The following LHFPL4 variants were observed in gnomAD, a reference collection of about 807,000 sequenced individuals.
LHFPL4 encodes LHFPL tetraspan subfamily member 4 protein.
Under a neutral mutation model 20.0 loss-of-function variants are expected in LHFPL4, and 6 were observed. That is an observed-to-expected ratio of 0.30 (90% CI 0.16 to 0.59). LHFPL4 has a LOEUF of 0.59. LHFPL4 is among the 20% of genes least tolerant of loss of function. The probability of loss-of-function intolerance (pLI) is 0.88; values close to 1 mark genes in which losing one functional copy is unlikely to be tolerated. For missense variants in LHFPL4, 215 were observed against 331.2 expected (o/e 0.65, Z 2.72); for synonymous variants, 129 against 143.8 (o/e 0.90, Z 0.74).
chr3:9,522,052 AT>A (rs142722448), intron 2 of LHFPL4, among the ~76,000 whole-genome samples: 49 of 152,150 alleles, frequency 3.2e-4, no homozygotes, highest in African/African-American at 1.2e-3. Flanking sequence ...ACTTAAAAAA[AT>A]TTTTAAGTAG....
Position 9,506,315 on chromosome 3 carries a change from A to T in LHFPL4, c.407-112T>A, listed in dbSNP as rs761251485. The T allele has an allele frequency of 1.3e-6, 1 of 782,542 alleles. No homozygotes were observed. The highest frequency in any genetic ancestry group is 2.2e-6 in the Non-Finnish European group (1 of 460,562). 48.5% of individuals were successfully genotyped at this position (782,542 alleles called of 1,614,324 possible). On this transcript the variant is annotated intron_variant, in intron 2 of 3. Transcript: ENST00000287585. This position sits in a 1 kb window ranked among gnomAD's most constrained non-coding sequence, Gnocchi z 4.5. ...ACCCTATTGAGGGCACATCAACCCAACCACGTGCTTGTTACCCACTTCCAC... is the reference window on the plus strand; with the variant it reads ...ACCCTATTGAGGGCACATCAACCCATCCACGTGCTTGTTACCCACTTCCAC...
chr3:9,552,629 C>T lies in LHFPL4; in HGVS notation c.51G>A (p.Arg17=). ...ACAGCACGCCGATGGCCCGCGAGTT[C>T]CGCATGTAGTGCTCGTGGTAGAGCT... ...ASKLYHEHYM[R]NSRAIGVLWA... is the part of the protein sequence containing the mutation. The change falls in exon 2 of 4, where the codon CGG becomes CGA. Residue 17 remains arginine, a synonymous_variant. Coordinates refer to ENST00000287585, the MANE Select transcript of LHFPL4 (RefSeq NM_198560.3). The T allele has an allele frequency of 6.2e-7, 1 of 1,613,714 alleles. No individual in the cohort carries two copies. Among genetic ancestry groups the T allele is most frequent in the South Asian group, 1.1e-5 (1 of 91,084 alleles).
chr3:9,516,369 C>T (rs78139346), intron 2 of LHFPL4, among the ~76,000 whole-genome samples: 6,231 of 152,128 alleles, frequency 0.041, 179 homozygotes, highest in Non-Finnish European at 0.062. Context: ...GCCTTTGAGC[C>T]TTTGTCAAAG....
chr3:9,515,947 T>C (rs2046297925), intron 2 of LHFPL4, among the ~76,000 whole-genome samples: 1 of 152,004 alleles, frequency 6.6e-6, no homozygotes, highest in African/African-American at 2.4e-5. Context: ...ACTCCTGGCC[T>C]CAAGTGATCC....
chr3:9,509,996 G>C (rs1328931798), intron 2 of LHFPL4, among the ~76,000 whole-genome samples: 1 of 152,160 alleles, frequency 6.6e-6, no homozygotes, highest in Non-Finnish European at 1.5e-5. Context: ...GCACATACAC[G>C]GGTGCAGGAT....
intron 2 of LHFPL4, among the ~76,000 whole-genome samples, chr3:9,547,780 T>TC (rs2046525014): frequency 6.9e-6 from 1 of 145,228 alleles, no homozygotes; most frequent in Non-Finnish European, 1.5e-5. Flanking sequence ...TCTCGGAGAT[T>TC]TTTGTTCTTT....
chr3:9,530,612 C>G (rs1252425565), intron 2 of LHFPL4, among the ~76,000 whole-genome samples: 1 of 152,174 alleles, frequency 6.6e-6, no homozygotes, highest in African/African-American at 2.4e-5. Context: ...CATGTGCTCA[C>G]CGGAGCAGCA....
intron 2 of LHFPL4, among the ~76,000 whole-genome samples, chr3:9,548,080 A>C (rs1406336953): frequency 6.6e-6 from 1 of 152,174 alleles, no homozygotes; most frequent in Non-Finnish European, 1.5e-5. Flanking sequence ...TGCTGAGATT[A>C]CAGGCATGAG....
chr3:9,529,897 C>T (rs2046398494), intron 2 of LHFPL4, among the ~76,000 whole-genome samples: 1 of 151,024 alleles, frequency 6.6e-6, no homozygotes, highest in African/African-American at 2.4e-5. Context: ...TCCCAAAGTG[C>T]TGGGATTACA....
chr3:9,532,505 T>G (rs1388581450), intron 2 of LHFPL4, among the ~76,000 whole-genome samples: 2 of 152,124 alleles, frequency 1.3e-5, no homozygotes, highest in African/African-American at 4.8e-5. Flanking sequence ...CACACCCAGC[T>G]AATTTTTATT....
chr3:9,523,294 T>C (rs915770366), intron 2 of LHFPL4, among the ~76,000 whole-genome samples: 20 of 149,814 alleles, frequency 1.3e-4, no homozygotes, highest in African/African-American at 4.9e-4. Flanking sequence ...GGCAGGAGAA[T>C]CGCTTGAACC....
intron 2 of LHFPL4, among the ~76,000 whole-genome samples, chr3:9,526,591 A>T (rs1202964359): frequency 6.6e-6 from 1 of 152,176 alleles, no homozygotes; most frequent in African/African-American, 2.4e-5. Context: ...CCTCAAAAAG[A>T]TATGTTCAAG....
At chr3:9,532,415 A>G (rs2046415690) in intron 2 of LHFPL4, among the ~76,000 whole-genome samples, 1 of 152,110 alleles carries the variant, frequency 6.6e-6, no homozygotes, top group African/African-American at 2.4e-5. Context: ...ATCATAGCTC[A>G]CTGCAGCCTC....
chr3:9,539,328 G>C (rs954214384), intron 2 of LHFPL4, among the ~76,000 whole-genome samples: 1 of 151,792 alleles, frequency 6.6e-6, no homozygotes, highest in Non-Finnish European at 1.5e-5. Flanking sequence ...GGTGGTGGGC[G>C]CCTGTAGTCC....
At chr3:9,548,726 T>C (rs2046533853) in intron 2 of LHFPL4, among the ~76,000 whole-genome samples, 1 of 152,220 alleles carries the variant, frequency 6.6e-6, no homozygotes, top group African/African-American at 2.4e-5. Context: ...GGAATTGGCC[T>C]TTCTCCACTA....
rs1365134866 is a variant in LHFPL4, at chr3:9,499,997, C to G, written c.*2214G>C. 6.6e-6 allele frequency: 1 copy of G among 151,790 alleles called. No individual in the cohort carries two copies. The highest frequency in any genetic ancestry group is 1.5e-5 in the Non-Finnish European group (1 of 68,312). The allele number at this position is 151,790 out of a possible 1,614,324, so 9.4% of individuals were successfully genotyped here. A position where few individuals can be genotyped will look rare whatever the true frequency, so the allele number is the denominator to read the frequency against. On this transcript the variant is annotated 3_prime_UTR_variant, in exon 4 of 4. Transcript: ENST00000287585. ...CCCACCCCAAGCTCTCGGGCAGCCT[C>G]TCAGCTGGTCTCTCATCTCTCTCCA...
chr3:9,551,405 G>T lies in LHFPL4; in HGVS notation c.406+869C>A, dbSNP rs182441651. 1.8e-3 allele frequency among the ~76,000 whole-genome samples: 260 copies of T among 142,042 alleles called. 1 individual carries two copies. Among genetic ancestry groups the T allele is most frequent in the African/African-American group, 6.1e-3 (239 of 39,232 alleles). 93.2% of individuals were successfully genotyped at this position (142,042 alleles called of 152,430 possible). On this transcript the variant is annotated intron_variant, in intron 2 of 3. Transcript: ENST00000287585. Reference sequence around the variant, plus strand: ...CTTCCCTGCCAGCAATTAGGCAAAAGCCCAAGTTGCTGAGTCTTCAAAATC... The same window carrying T: ...CTTCCCTGCCAGCAATTAGGCAAAATCCCAAGTTGCTGAGTCTTCAAAATC...
At chr3:9,529,093 A>G (rs576914960) in intron 2 of LHFPL4, among the ~76,000 whole-genome samples, 5 of 151,120 alleles carry the variant, frequency 3.3e-5, no homozygotes, top group East Asian at 3.9e-4. Flanking sequence ...CAGTGGCACT[A>G]TCTCAGCTCA....
intron 2 of LHFPL4, among the ~76,000 whole-genome samples, chr3:9,523,361 A>T (rs2046352368): frequency 6.6e-6 from 1 of 151,374 alleles, no homozygotes; most frequent in Admixed American, 6.6e-5. Context: ...AGCTTGGGAG[A>T]CAGAGTGAGA....
Sources: gnomAD v4.1 joint callset for allele counts (sites outside exome capture counted in the v4.1 genomes callset) on GRCh38, gnomAD v4.1.1 for gene constraint, Gnocchi (gnomAD v3.1) non-coding constraint, MANE v1.5 for transcripts, NCBI Gene and HGNC (gene_info 2026-07-23, HGNC 2026-07-21) for gene names.